Variants in MRPL35 observed in about 807,000 individuals in gnomAD.
MRPL35 encodes the protein mitochondrial ribosomal protein L35.
MRPL35 carries 18 observed loss-of-function variants against 21.6 expected under a neutral mutation model. The ratio of observed to expected loss-of-function variants is 0.83; its 90% confidence interval spans 0.58 to 1.24. The LOEUF (loss-of-function observed/expected upper bound fraction) is 1.24, where lower values mean the gene tolerates loss of function less well. Among genes scored for constraint, MRPL35 ranks in the 50% most tolerant of loss-of-function variants. MRPL35 has a pLI of 0.00. For missense variants in MRPL35, 223 were observed against 223.2 expected (o/e 1.00, Z 0.01); for synonymous variants, 87 against 86.9 (o/e 1.00, Z -0.01).
intron 2 of MRPL35, 66 bp downstream of exon 2, chr2:86,206,361 C>G: frequency 6.9e-7 from 1 of 1,454,990 alleles, no homozygotes; most frequent in Non-Finnish European, 9.4e-7. Context: ...GAGACGGAGT[C>G]TCACTCTGTT....
chr2:86,212,325 CAATA>C lies in MRPL35; in HGVS notation c.*1664_*1667del, dbSNP rs147260650. The C allele has an allele frequency of 0.01, 16,474 of 1,595,472 alleles. 137 individuals carry two copies. Among genetic ancestry groups the C allele is most frequent in the Middle Eastern group, 0.037 (224 of 5,996 alleles). Reference sequence around the variant, plus strand: ...CCAAGTGCGTGTCTACTTATGGGACCAATAAATAAAGAACAGACATTTGATTTGA... The same window carrying C: ...CCAAGTGCGTGTCTACTTATGGGACCAATAAAGAACAGACATTTGATTTGA... On this transcript the variant is annotated 3_prime_UTR_variant, in exon 4 of 4. Transcript: ENST00000337109.
chr2:86,207,402 G>A (rs1290642312), intron 3 of MRPL35, 75 bp downstream of exon 3: 1 of 1,494,560 alleles, frequency 6.7e-7, no homozygotes, highest in Middle Eastern at 1.9e-4. Context: ...TATAATCCCA[G>A]CACTTTGGCG....
chr2:86,205,867 G>C (rs1443808184), intron 1 of MRPL35, among the ~76,000 whole-genome samples: 1 of 152,128 alleles, frequency 6.6e-6, no homozygotes, highest in East Asian at 1.9e-4. Context: ...CATCCGACTT[G>C]GTTGTGATGA....
At position 86,212,753 on chromosome 2, in the gene MRPL35, T is replaced by TA. The variant is rs753184979; in HGVS notation, c.*2086dup. On this transcript the variant is annotated 3_prime_UTR_variant, in exon 4 of 4. Coordinates refer to ENST00000337109, the MANE Select transcript of MRPL35 (RefSeq NM_016622.4). ...CTTACGGGAAAGGGAATTTCATACA[T>TA]ACGATTTTTGTTTTGTGGGTAGGAG... The TA allele has an allele frequency of 1.6e-5, 18 of 1,131,384 alleles. No homozygotes were observed. The highest frequency in any genetic ancestry group is 1.9e-5 in the Non-Finnish European group (18 of 924,844). The allele number at this position is 1,131,384 out of a possible 1,614,324, so 70.1% of individuals were successfully genotyped here.
intron 1 of MRPL35, among the ~76,000 whole-genome samples, chr2:86,200,975 ATAT>A (rs1302423220): frequency 6.6e-6 from 1 of 152,100 alleles, no homozygotes; most frequent in East Asian, 1.9e-4. Flanking sequence ...CTGCTGTATA[ATAT>A]TATATGACTG....
chr2:86,204,250 C>G (rs1429555197), intron 1 of MRPL35, among the ~76,000 whole-genome samples: 1 of 152,024 alleles, frequency 6.6e-6, no homozygotes, highest in East Asian at 1.9e-4. Context: ...TCCCAAAGTG[C>G]TAGGATTACA....
chr2:86,213,178 C>T lies in MRPL35; in HGVS notation c.*2510C>T, dbSNP rs960225459. ...ATATGAAAATTCATATCTAAATCAA[C>T]AAGTGACTGTAATCTGGTACTATAA... On this transcript the variant is annotated 3_prime_UTR_variant, in exon 4 of 4. Transcript: ENST00000337109. 1.0e-6 allele frequency: 1 copy of T among 987,866 alleles called. No individual in the cohort carries two copies. The highest frequency in any genetic ancestry group is 1.7e-5 in the African/African-American group (1 of 57,368). The allele number at this position is 987,866 out of a possible 1,614,324, so 61.2% of individuals were successfully genotyped here. A position where few individuals can be genotyped will look rare whatever the true frequency, so the allele number is the denominator to read the frequency against.
At chr2:86,202,631 T>C (rs1354328019) in intron 1 of MRPL35, among the ~76,000 whole-genome samples, 1 of 152,186 alleles carries the variant, frequency 6.6e-6, no homozygotes, top group Non-Finnish European at 1.5e-5. Flanking sequence ...CAAGGCCCTA[T>C]GTAAGGGCTC....
At position 86,213,732 on chromosome 2, in the gene MRPL35, C is replaced by T. The variant is rs1558858859; in HGVS notation, c.*3064C>T. 1.3e-6 allele frequency: 2 copies of T among 1,482,878 alleles called. No homozygotes were observed. The highest frequency in any genetic ancestry group is 9.2e-7 in the Non-Finnish European group (1 of 1,088,788). The allele number at this position is 1,482,878 out of a possible 1,614,324, so 91.9% of individuals were successfully genotyped here. A position where few individuals can be genotyped will look rare whatever the true frequency, so the allele number is the denominator to read the frequency against. On this transcript the variant is annotated 3_prime_UTR_variant, in exon 4 of 4. Transcript: ENST00000337109. Reference sequence around the variant, plus strand: ...CTACCAGTGGACTATTCTATTTTCACAGCTACCTAGTTTCTGCCGATGATT... The same window carrying T: ...CTACCAGTGGACTATTCTATTTTCATAGCTACCTAGTTTCTGCCGATGATT...
intron 2 of MRPL35, among the ~76,000 whole-genome samples, chr2:86,206,820 A>G (rs1425315427): frequency 6.6e-6 from 1 of 152,244 alleles, no homozygotes; most frequent in Non-Finnish European, 1.5e-5. Context: ...TCAGTCAGCA[A>G]ATACTCAGTT....
Position 86,206,249 on chromosome 2 carries a change from T to A in MRPL35, c.187T>A (p.Ser63Thr), listed in dbSNP as rs749007603. 1 of 1,613,576 alleles carries A rather than the reference T, an allele frequency of 6.2e-7. No homozygotes were observed. Among genetic ancestry groups the A allele is most frequent in the Non-Finnish European group, 8.5e-7 (1 of 1,179,610 alleles). ...VVSSTPRLTT[S>T]ERNLTCGHTS... is the part of the protein sequence containing the mutation. ...TTCCTCCACTCCCAGACTTACCACA[T>A]CTGAGAGAAACCTGACATGTGGGCA... Residue 63 changes from serine (S) to threonine (T), a missense_variant, in exon 2 of 4, where the codon TCT becomes ACT. Ser to Thr is a moderately conservative substitution (Grantham distance 58, BLOSUM62 1). Coordinates refer to ENST00000337109, the MANE Select transcript of MRPL35 (RefSeq NM_016622.4).
chr2:86,200,121 T>C (rs2105832227), intron 1 of MRPL35, among the ~76,000 whole-genome samples: 1 of 152,322 alleles, frequency 6.6e-6, no homozygotes, highest in South Asian at 2.1e-4. Context: ...TGACGTTAAG[T>C]ACTTTTTGCA....
chr2:86,207,588 C>T (rs1208831097), intron 3 of MRPL35, among the ~76,000 whole-genome samples: 1 of 152,156 alleles, frequency 6.6e-6, no homozygotes, highest in Non-Finnish European at 1.5e-5. Flanking sequence ...GAGCCAAGAT[C>T]GAACCACTGC....
intron 3 of MRPL35, among the ~76,000 whole-genome samples, chr2:86,210,239 AT>A (rs553657566): frequency 2.6e-5 from 4 of 152,132 alleles, no homozygotes; most frequent in Non-Finnish European, 4.4e-5. Context: ...AATTTAAATA[AT>A]TTTTTTCTAA....
intron 3 of MRPL35, among the ~76,000 whole-genome samples, chr2:86,209,347 GT>G (rs1222812578): frequency 6.6e-6 from 1 of 152,200 alleles, no homozygotes; most frequent in Non-Finnish European, 1.5e-5. Flanking sequence ...AGTTGGTATT[GT>G]GCCATAAAGA....
rs752262830 is a variant in MRPL35, at chr2:86,207,305, G to A, written c.356G>A (p.Cys119Tyr). The A allele has an allele frequency of 1.2e-6, 2 of 1,613,524 alleles. No homozygotes were observed. The highest frequency in any genetic ancestry group is 1.7e-5 in the Admixed American group (1 of 59,944). ...AVIDRFLRLH[C>Y]GLWVRRKAGY... ...ATCGATAGGTTTCTTCGACTTCATTGTGGCCTTTGGGTGAGGAGAAAGGTG... is the reference window on the plus strand; with the variant it reads ...ATCGATAGGTTTCTTCGACTTCATTATGGCCTTTGGGTGAGGAGAAAGGTG... Residue 119 changes from cysteine (C) to tyrosine (Y), a missense_variant, in exon 3 of 4, where the codon TGT (cysteine) becomes TAT (tyrosine). By Grantham distance (194) the Cys-to-Tyr change is radical. Transcript: ENST00000337109.
At chr2:86,199,636 A>G in intron 1 of MRPL35, 103 bp downstream of exon 1, 2 of 1,422,744 alleles carry the variant, frequency 1.4e-6, no homozygotes, top group East Asian at 2.3e-5. Context: ...AAAAAGGGTC[A>G]TTATTTAAGT....
At chr2:86,206,861 G>A (rs1271602921) in intron 2 of MRPL35, among the ~76,000 whole-genome samples, 1 of 152,052 alleles carries the variant, frequency 6.6e-6, no homozygotes, top group Non-Finnish European at 1.5e-5. Flanking sequence ...CACTGTACTT[G>A]GCAAAAAGGA....
intron 1 of MRPL35, among the ~76,000 whole-genome samples, chr2:86,202,062 ATTAG>A (rs1380957974): frequency 6.6e-6 from 1 of 152,218 alleles, no homozygotes; most frequent in African/African-American, 2.4e-5. Flanking sequence ...ACTGAAGGAA[ATTAG>A]TTACTTTCCT....
Sources: allele counts gnomAD v4.1 joint callset (sites outside exome capture counted in the v4.1 genomes callset), GRCh38; gene constraint gnomAD v4.1.1; transcripts MANE v1.5; gene names NCBI Gene and HGNC (gene_info 2026-07-23, HGNC 2026-07-21).